The following AKT3 variants were observed in gnomAD, a reference collection of about 807,000 sequenced individuals.
AKT3 encodes the protein AKT serine/threonine kinase 3.
Under a neutral mutation model 65.3 loss-of-function variants are expected in AKT3, and 15 were observed. The observed-to-expected ratio is 0.23, with a 90% confidence interval of 0.15 to 0.35. The LOEUF is 0.35. Ranked by LOEUF, AKT3 falls within the 10% of genes least tolerant of loss-of-function variation. AKT3 has a pLI of 1.00. For missense variants in AKT3, 243 were observed against 576.5 expected (o/e 0.42, Z 5.92); for synonymous variants, 206 against 183.8 (o/e 1.12, Z -0.98).
In AKT3 at chr1:243,756,409, A is replaced by G. The variant is rs1033034582; in HGVS notation, c.47-60693T>C. 1.2e-4 allele frequency among the ~76,000 whole-genome samples: 18 copies of G among 152,194 alleles called. 2 individuals carry two copies. The highest frequency in any genetic ancestry group is 2.6e-4 in the Non-Finnish European group (18 of 68,034). On this transcript the variant is annotated intron_variant, in intron 2 of 13. Coordinates refer to ENST00000673466, the MANE Select transcript of AKT3 (RefSeq NM_005465.7). ...CATCTTACTGTGCCAGAGAGTAAGAAGGTGCTCAGAGAATGATGGGGACAT... is the reference window on the plus strand; with the variant it reads ...CATCTTACTGTGCCAGAGAGTAAGAGGGTGCTCAGAGAATGATGGGGACAT...
intron 2 of AKT3, among the ~76,000 whole-genome samples, chr1:243,760,206 AC>A (rs1343021108): frequency 6.7e-6 from 1 of 150,020 alleles, no homozygotes; most frequent in Non-Finnish European, 1.5e-5. Context: ...TGCAGCCTCA[AC>A]CTCCTGGGCT....
At position 243,568,184 on chromosome 1, in the gene AKT3, T is replaced by C. The variant is rs148647871; in HGVS notation, c.820-4336A>G. Among the ~76,000 whole-genome samples the C allele has an allele frequency of 4.8e-3, 724 of 152,308 alleles. 8 individuals are homozygous for C. The highest frequency in any genetic ancestry group is 0.017 in the African/African-American group (689 of 41,570). ...TTAGCCAGACAATATGTAATGCATA[T>C]TGTCACTGACTGCTTAGGTACTCTA... On this transcript the variant is annotated intron_variant, in intron 9 of 13. Transcript: ENST00000673466.
intron 2 of AKT3, chr1:243,808,119 G>A (rs1692870399): frequency 1.3e-5 from 2 of 152,232 alleles, no homozygotes; most frequent in Admixed American, 1.3e-4. Context: ...AAAAATCAGA[G>A]CACCTCTCCT....
At chr1:243,557,264 A>G (rs1488088149) in intron 10 of AKT3, among the ~76,000 whole-genome samples, 6 of 152,088 alleles carry the variant, frequency 3.9e-5, no homozygotes, top group Non-Finnish European at 7.4e-5. Context: ...AAGTAACAAT[A>G]GCCATTGTAA....
intron 10 of AKT3, among the ~76,000 whole-genome samples, chr1:243,556,561 T>C (rs1164943044): frequency 6.6e-6 from 1 of 151,984 alleles, no homozygotes; most frequent in Non-Finnish European, 1.5e-5. Context: ...CAATCAATAA[T>C]CCTGACAGAA....
At chr1:243,720,065 C>T (rs1686781455) in intron 2 of AKT3, among the ~76,000 whole-genome samples, 1 of 152,132 alleles carries the variant, frequency 6.6e-6, no homozygotes, top group South Asian at 2.1e-4. Context: ...GTAATCCCAG[C>T]ACTCTGGAAG....
intron 3 of AKT3, among the ~76,000 whole-genome samples, chr1:243,693,823 T>A (rs547159306): frequency 6.6e-6 from 1 of 152,160 alleles, no homozygotes; most frequent in Non-Finnish European, 1.5e-5. Context: ...TAGAGTAAGA[T>A]CCATGTTACT....
intron 6 of AKT3, among the ~76,000 whole-genome samples, chr1:243,623,314 C>G (rs1284373829): frequency 6.6e-6 from 1 of 152,166 alleles, no homozygotes; most frequent in Non-Finnish European, 1.5e-5. Flanking sequence ...GTTGACAACA[C>G]TTCACTACTG....
chr1:243,489,164 G>T (rs756152387), intron 13 of AKT3: 5 of 1,610,008 alleles, frequency 3.1e-6, no homozygotes, highest in Non-Finnish European at 4.2e-6. Flanking sequence ...CGCGGCGCAG[G>T]TGGGAGTCCT....
intron 2 of AKT3, among the ~76,000 whole-genome samples, chr1:243,766,064 T>C (rs1689797196): frequency 6.6e-6 from 1 of 152,234 alleles, no homozygotes; most frequent in South Asian, 2.1e-4. Context: ...TATGTCTTTA[T>C]TTGTGCCTGT....
chr1:243,512,549 T>G, intron 12 of AKT3, 123 bp from the exon 13 acceptor site: 1 of 629,774 alleles, frequency 1.6e-6, no homozygotes, highest in Admixed American at 3.5e-5. Flanking sequence ...GCTGAGTCGC[T>G]GGGTAAGGGA....
intron 2 of AKT3, among the ~76,000 whole-genome samples, chr1:243,758,930 C>G (rs564983129): frequency 6.6e-6 from 1 of 152,236 alleles, no homozygotes; most frequent in South Asian, 2.1e-4. Flanking sequence ...GGACTTTCGG[C>G]TTTTACTGAT....
At chr1:243,734,948 C>T (rs1351677564) in intron 2 of AKT3, 1 of 152,050 alleles carries the variant, frequency 6.6e-6, no homozygotes, top group Non-Finnish European at 1.5e-5. Context: ...ACATATTAGC[C>T]TAGACCTACA....
intron 2 of AKT3, 79 bp from the exon 3 acceptor site, chr1:243,695,795 T>C (rs1404129811): frequency 2.2e-6 from 3 of 1,340,846 alleles, no homozygotes; most frequent in Middle Eastern, 2.3e-4. Context: ...TATGGTACAA[T>C]ATATGTCCTA....
intron 6 of AKT3, among the ~76,000 whole-genome samples, chr1:243,630,744 TA>T (rs1679545036): frequency 6.6e-6 from 1 of 152,222 alleles, no homozygotes; most frequent in Admixed American, 6.5e-5. Context: ...ACAGGGTTTA[TA>T]ACATTTTCAG....
chr1:243,832,731 A>G (rs1003835181), intron 2 of AKT3, among the ~76,000 whole-genome samples: 1 of 152,196 alleles, frequency 6.6e-6, no homozygotes, highest in Non-Finnish European at 1.5e-5. Flanking sequence ...CAGAGTTCAG[A>G]GCTGCCAAAA....
intron 2 of AKT3, among the ~76,000 whole-genome samples, chr1:243,782,770 G>A (rs4639743): frequency 0.51 from 76,960 of 151,954 alleles, 23,580 homozygotes; most frequent in Non-Finnish European, 0.68. Flanking sequence ...CACAATACAC[G>A]TATGGGCACT....
At chr1:243,839,186 T>C (rs1695081147) in intron 2 of AKT3, among the ~76,000 whole-genome samples, 1 of 152,178 alleles carries the variant, frequency 6.6e-6, no homozygotes, top group Non-Finnish European at 1.5e-5. Flanking sequence ...AATTTAGACC[T>C]TTTAAACTGG....
intron 2 of AKT3, among the ~76,000 whole-genome samples, chr1:243,704,138 A>T (rs748823027): frequency 6.6e-5 from 10 of 152,190 alleles, no homozygotes; most frequent in Non-Finnish European, 1.3e-4. Flanking sequence ...AAGCATTATG[A>T]ACTCCTGCCC....
Sources: gnomAD v4.1 joint callset for allele counts (sites outside exome capture counted in the v4.1 genomes callset) on GRCh38, gnomAD v4.1.1 for gene constraint, MANE v1.5 for transcripts, NCBI Gene and HGNC (gene_info 2026-07-23, HGNC 2026-07-21) for gene names.